The following RTEL1 variants were observed in gnomAD, a reference collection of about 807,000 sequenced individuals.
RTEL1 encodes the protein regulator of telomere elongation helicase 1, also known as regulator of telomere length.
Under a neutral mutation model 162.2 loss-of-function variants are expected in RTEL1, and 86 were observed. The observed-to-expected ratio is 0.53, with a 90% CI of 0.45 to 0.63. The LOEUF (loss-of-function observed/expected upper bound fraction) is 0.63. Among genes scored for constraint, RTEL1 ranks in the 30% least tolerant of loss-of-function variants. The pLI is 0.00. For missense variants in RTEL1, 1,941 were observed against 1,750.2 expected (o/e 1.11, Z -1.95); for synonymous variants, 958 against 717.9 (o/e 1.33, Z -5.35).
At chr20:63,687,325 A>G in intron 16 of RTEL1, 1 of 309,820 alleles carries the variant, frequency 3.2e-6, no homozygotes, top group Non-Finnish European at 6.0e-6. Context: ...TCTTGCCCTG[A>G]GCCGCATGTC....
rs1376425375 is a variant in RTEL1 at position 63,678,151 on chromosome 20, A to G, written c.926A>G (p.Asn309Ser). ...FSADSPSPGL[N>S]MELEDIAKLK... is the part of the protein sequence containing the mutation. ...CTGCCTTTCTCTTGCCCAGGGCTGA[A>G]CATGGAGCTGGAAGACATTGCAAAG... Residue 309 changes from asparagine to serine, a missense_variant, in exon 11 of 35, where the codon AAC becomes AGC. Transcript: ENST00000360203. 7 of 1,614,214 alleles carry G rather than the reference A, an allele frequency of 4.3e-6. No individual in the cohort carries two copies. Among genetic ancestry groups the G allele is most frequent in the Non-Finnish European group, 5.9e-6 (7 of 1,180,036 alleles).
intron 14 of RTEL1, among the ~76,000 whole-genome samples, chr20:63,684,351 A>G (rs1462569619): frequency 2.0e-5 from 3 of 151,582 alleles, no homozygotes; most frequent in African/African-American, 7.3e-5. Context: ...GCCTGAACCA[A>G]TTTCTTTTTG....
chr20:63,694,229 AC>A, intron 30 of RTEL1, 142 bp from the exon 31 acceptor site: 3 of 708,232 alleles, frequency 4.2e-6, no homozygotes, highest in Non-Finnish European at 5.1e-6. Flanking sequence ...TGCCCCCAGC[AC>A]CCAGGCGTGT....
intron 5 of RTEL1, 43 bp downstream of exon 5, chr20:63,662,670 G>T: frequency 6.2e-7 from 1 of 1,611,750 alleles, no homozygotes. Flanking sequence ...TCCGACAGGC[G>T]AGTGCTGCTG....
At chr20:63,685,045 GTTTT>G (rs745351879) in intron 14 of RTEL1, among the ~76,000 whole-genome samples, 5 of 127,492 alleles carry the variant, frequency 3.9e-5, no homozygotes, top group Admixed American at 7.9e-5. Flanking sequence ...GCCCGGCTAG[GTTTT>G]TTTTTTTTTT....
chr20:63,662,848 A>G lies in RTEL1; in HGVS notation c.497A>G (p.Lys166Arg). Reference sequence around the variant, plus strand: ...CCACAGATCCACTTGTGCCGTAAGAAGGTGGCAAGTCGCTCCTGTCATTTC... The same window carrying G: ...CCACAGATCCACTTGTGCCGTAAGAGGGTGGCAAGTCGCTCCTGTCATTTC... ...NHLQIHLCRK[K>R]VASRSCHFYN... Residue 166 changes from lysine to arginine, a missense_variant, in exon 6 of 35, where the codon AAG becomes AGG. Coordinates refer to ENST00000360203, the MANE Select transcript of RTEL1 (RefSeq NM_001283009.2). The G allele has an allele frequency of 1.2e-6, 2 of 1,613,970 alleles. No individual in the cohort carries two copies. Among genetic ancestry groups the G allele is most frequent in the Non-Finnish European group, 1.7e-6 (2 of 1,180,044 alleles).
At chr20:63,695,290 G>A in intron 33 of RTEL1, 38 bp from the exon 34 acceptor site, 2 of 1,587,926 alleles carry the variant, frequency 1.3e-6, no homozygotes, top group Non-Finnish European at 1.7e-6. Flanking sequence ...GAGCAGCAAA[G>A]CCCCAGGCCC....
At chr20:63,685,902 C>T in intron 16 of RTEL1, 30 bp downstream of exon 16, 1 of 1,597,886 alleles carries the variant, frequency 6.3e-7, no homozygotes, top group Non-Finnish European at 8.5e-7. Context: ...CGCTCCCCGC[C>T]CGCCCGGGTG....
At chr20:63,672,527 G>A (rs1342321086) in intron 8 of RTEL1, 29 bp from the exon 9 acceptor site, 4 of 1,545,974 alleles carry the variant, frequency 2.6e-6, no homozygotes, top group Non-Finnish European at 3.5e-6. Flanking sequence ...GTGAGCTCCA[G>A]CGCTGCGTCC....
At position 63,661,188 on chromosome 20, in the gene RTEL1, C is replaced by T; in HGVS notation, c.103-110C>T. 1.0e-6 allele frequency: 1 copy of T among 977,066 alleles called. No homozygotes were observed. Among genetic ancestry groups the T allele is most frequent in the Non-Finnish European group, 1.5e-6 (1 of 653,396 alleles). 60.5% of individuals were successfully genotyped at this position (977,066 alleles called of 1,614,324 possible). On this transcript the variant is annotated intron_variant, in intron 2 of 34. Transcript: ENST00000360203. This position sits in a 1 kb window ranked among gnomAD's most constrained non-coding sequence, Gnocchi z 5.1. Reference sequence around the variant, plus strand: ...GGCTCTCGCCACCTGGCAGTGGCCTCTGCATCTGCAAAGAGCTGCCCGCTG... The same window carrying T: ...GGCTCTCGCCACCTGGCAGTGGCCTTTGCATCTGCAAAGAGCTGCCCGCTG...
chr20:63,686,164 G>C (rs2090588142), intron 16 of RTEL1: 2 of 502,416 alleles, frequency 4.0e-6, no homozygotes. Flanking sequence ...GCTCGTTTAT[G>C]CCGAGGCCGT....
At chr20:63,680,825 G>T in intron 14 of RTEL1, 106 bp downstream of exon 14, 1 of 1,551,304 alleles carries the variant, frequency 6.4e-7, no homozygotes, top group Non-Finnish European at 8.8e-7. Context: ...TGGGAGAAAG[G>T]CCCCTACACC....
At position 63,690,130 on chromosome 20, in the gene RTEL1, C is replaced by T. The variant is rs1555811919; in HGVS notation, c.2185C>T (p.Arg729Cys). 3 of 1,612,340 alleles carry T rather than the reference C, an allele frequency of 1.9e-6. No homozygotes were observed. Among genetic ancestry groups the T allele is most frequent in the Non-Finnish European group, 2.5e-6 (3 of 1,179,832 alleles). ...DARAQLPSWV[R>C]PHVRVYDNFG... ...AAGAGCCCAACTGCCCTCCTGGGTG[C>T]GTCCCCACGTCAGGGTGTATGACAA... Residue 729 changes from arginine (R) to cysteine (C), a missense_variant, in exon 25 of 35, where the codon CGT becomes TGT. Arg to Cys is a radical substitution (Grantham distance 180). Coordinates refer to ENST00000360203, the MANE Select transcript of RTEL1 (RefSeq NM_001283009.2).
intron 10 of RTEL1, among the ~76,000 whole-genome samples, chr20:63,677,220 C>T (rs1023727000): frequency 5.3e-5 from 8 of 152,208 alleles, no homozygotes; most frequent in African/African-American, 1.4e-4. Context: ...ACCCGCCATG[C>T]GGCAGCGGGT....
At chr20:63,689,419 T>A in intron 22 of RTEL1, 83 bp from the exon 23 acceptor site, 1 of 1,427,578 alleles carries the variant, frequency 7.0e-7, no homozygotes, top group Admixed American at 2.8e-5. Context: ...GGACGGAGCC[T>A]CGGGGAAGGT....
chr20:63,667,947 TC>T (rs2090168958), intron 8 of RTEL1, among the ~76,000 whole-genome samples: 1 of 80,376 alleles, frequency 1.2e-5, no homozygotes, highest in African/African-American at 5.1e-5. Flanking sequence ...TCACTCCCCC[TC>T]CCAGCATGTG....
At chr20:63,667,350 T>C (rs2090156763) in intron 7 of RTEL1, 119 bp from the exon 8 acceptor site, 2 of 798,394 alleles carry the variant, frequency 2.5e-6, no homozygotes, top group Non-Finnish European at 4.5e-6. Context: ...AGGCAGCAGC[T>C]TCCCACCTGG....
In RTEL1 at chr20:63,687,796, G is replaced by C. The variant is rs780617729; in HGVS notation, c.1481+26G>C. On this transcript the variant is annotated intron_variant, in intron 17 of 34. Coordinates refer to ENST00000360203, the MANE Select transcript of RTEL1 (RefSeq NM_001283009.2). ...GTACGGGCCACCCCTGCCAGGGCCTGAGCACCGGTGACACCTCTGACATCA... is the reference window on the plus strand; with the variant it reads ...GTACGGGCCACCCCTGCCAGGGCCTCAGCACCGGTGACACCTCTGACATCA... 22 of 1,556,508 alleles carry C rather than the reference G, an allele frequency of 1.4e-5. No individual in the cohort carries two copies. In the East Asian group the frequency reaches 2.4e-4, roughly 17 times the overall value.
intron 10 of RTEL1, among the ~76,000 whole-genome samples, chr20:63,674,614 G>A (rs1002523107): frequency 9.9e-5 from 15 of 151,890 alleles, no homozygotes; most frequent in African/African-American, 2.9e-4. Flanking sequence ...AGTGGGAGGC[G>A]TGCTTGAGCC....
Sources: allele counts gnomAD v4.1 joint callset (sites outside exome capture counted in the v4.1 genomes callset), GRCh38; gene constraint gnomAD v4.1.1; non-coding constraint Gnocchi (gnomAD v3.1); transcripts MANE v1.5; gene names NCBI Gene and HGNC (gene_info 2026-07-23, HGNC 2026-07-21).